Variants in ZNF821 observed in about 807,000 individuals in gnomAD.
The protein encoded by ZNF821 is zinc finger protein 821.
ZNF821 carries 16 observed loss-of-function variants against 44.3 expected under a neutral mutation model. The observed-to-expected ratio is 0.36, with a 90% CI of 0.24 to 0.55. The LOEUF (loss-of-function observed/expected upper bound fraction) is 0.55. Ranked by LOEUF, ZNF821 falls within the 20% of genes least tolerant of loss-of-function variation. ZNF821 has a pLI of 0.86. For missense variants in ZNF821, 436 were observed against 547.6 expected (o/e 0.80, Z 2.03); for synonymous variants, 204 against 197.6 (o/e 1.03, Z -0.27).
At chr16:71,880,955 G>A (rs2036358742) in intron 2 of ZNF821, among the ~76,000 whole-genome samples, 1 of 152,168 alleles carries the variant, frequency 6.6e-6, no homozygotes, top group African/African-American at 2.4e-5. Context: ...CAGAAAGAGT[G>A]CCCCAGCCTT....
chr16:71,866,171 C>T (rs1407611331), intron 4 of ZNF821, among the ~76,000 whole-genome samples: 1 of 152,204 alleles, frequency 6.6e-6, no homozygotes, highest in African/African-American at 2.4e-5. Flanking sequence ...TCTCACCAGG[C>T]TGTCCGCAGG....
At chr16:71,865,723 C>T (rs1256422480) in intron 4 of ZNF821, among the ~76,000 whole-genome samples, 2 of 152,182 alleles carry the variant, frequency 1.3e-5, no homozygotes, top group East Asian at 1.9e-4. Flanking sequence ...ACATGGCATT[C>T]TAAACTAAGT....
chr16:71,888,242 A>G (rs2036869238), upstream of ZNF821, among the ~76,000 whole-genome samples: 1 of 152,150 alleles, frequency 6.6e-6, no homozygotes, highest in Admixed American at 6.5e-5. Context: ...TTATTTGGTC[A>G]CGGCACATAG....
intron 5 of ZNF821, 48 bp from the exon 6 acceptor site, chr16:71,864,290 T>G (rs753048003): frequency 9.5e-5 from 143 of 1,509,402 alleles, no homozygotes; most frequent in Non-Finnish European, 1.1e-4. Context: ...TACTCATCTC[T>G]TCCCTGCCCC....
intron 2 of ZNF821, chr16:71,882,078 T>C (rs1246438827): frequency 6.6e-6 from 1 of 152,178 alleles, no homozygotes; most frequent in African/African-American, 2.4e-5. Flanking sequence ...GAGAACAGCC[T>C]GGCCAACATG....
In ZNF821 at chr16:71,860,088, C is replaced by T. The variant is rs2033656481; in HGVS notation, c.1169G>A (p.Gly390Glu). Reference sequence around the variant, plus strand: ...CAGAAGCTGGCTGTCCAACTCCACCCCACTTACAGGCAGCTGGAAGAAGTT... The same window carrying T: ...CAGAAGCTGGCTGTCCAACTCCACCTCACTTACAGGCAGCTGGAAGAAGTT... ...EMNFFQLPVSGVELDSQLLGK... is the reference protein window; with the variant it reads ...EMNFFQLPVSEVELDSQLLGK... Residue 390 changes from glycine to glutamate, a missense_variant, in exon 8 of 8, where the codon GGG (glycine) becomes GAG (glutamate). This residue lies in a region of ZNF821 where 55 missense variants were observed against 56.9 expected (regional missense o/e 0.97). Coordinates refer to ENST00000425432, the MANE Select transcript of ZNF821 (RefSeq NM_001201552.2). This position sits in a 1 kb window ranked among gnomAD's most constrained non-coding sequence, Gnocchi z 7.3. The T allele has an allele frequency of 3.7e-6, 6 of 1,614,064 alleles. No homozygotes were observed. Among genetic ancestry groups the T allele is most frequent in the Non-Finnish European group, 5.1e-6 (6 of 1,180,034 alleles).
chr16:71,894,573 T>A, intron 1 of ZNF821: 1 of 361,538 alleles, frequency 2.8e-6, no homozygotes, highest in Non-Finnish European at 5.1e-6. Context: ...TAGCCTAGGC[T>A]GGAGTGCTGT....
intron 4 of ZNF821, among the ~76,000 whole-genome samples, chr16:71,865,619 G>C (rs191653408): frequency 6.6e-6 from 1 of 152,240 alleles, no homozygotes; most frequent in Non-Finnish European, 1.5e-5. Context: ...ATAGGGAAAG[G>C]GCTGCTCATT....
rs566718140 is a variant in ZNF821 at position 71,881,112 on chromosome 16, T to G, written c.-77-1089A>C. Among the ~76,000 whole-genome samples the G allele has an allele frequency of 1.0e-3, 154 of 152,372 alleles. 1 individual carries two copies. Among genetic ancestry groups the G allele is most frequent in the Middle Eastern group, 3.4e-3 (1 of 294 alleles). On this transcript the variant is annotated intron_variant, in intron 2 of 7. Coordinates refer to ENST00000425432, the MANE Select transcript of ZNF821 (RefSeq NM_001201552.2). ...TCTGGTCACACTCTTAAGTTTTCTT[T>G]CAGTTCCTGCCTTCTTGAGTTATAC...
intron 3 of ZNF821, among the ~76,000 whole-genome samples, chr16:71,869,084 C>G (rs1039519499): frequency 6.6e-6 from 1 of 152,086 alleles, no homozygotes. Context: ...TACTAAGTGC[C>G]CTTTTATTTC....
intron 3 of ZNF821, among the ~76,000 whole-genome samples, chr16:71,869,218 G>T (rs919480678): frequency 2.0e-5 from 3 of 152,178 alleles, no homozygotes; most frequent in African/African-American, 7.2e-5. Flanking sequence ...AAGCCCTAGT[G>T]AAATGTCTGA....
intron 1 of ZNF821, among the ~76,000 whole-genome samples, chr16:71,893,094 A>T (rs1288609797): frequency 3.2e-5 from 4 of 124,578 alleles, no homozygotes; most frequent in Non-Finnish European, 3.2e-5. Context: ...CAGCGGCGCC[A>T]TCTCGGCTCA....
At chr16:71,889,196 C>T (rs2142500710), upstream of ZNF821, among the ~76,000 whole-genome samples, 1 of 152,182 alleles carries the variant, frequency 6.6e-6, no homozygotes, top group East Asian at 1.9e-4. Context: ...TGTGATAGTA[C>T]CCTTGCACTT....
At chr16:71,894,940 T>A in exon 1 of ZNF821, 1 of 1,010,204 alleles carries the variant, frequency 9.9e-7, no homozygotes. Context: ...GAAACACTAC[T>A]GAATTATACC....
chr16:71,861,831 G>A lies in ZNF821; in HGVS notation c.529C>T (p.Arg177Ter), dbSNP rs545275889. The A allele has an allele frequency of 1.9e-6, 3 of 1,614,168 alleles. No individual in the cohort carries two copies. Among genetic ancestry groups the A allele is most frequent in the South Asian group, 1.1e-5 (1 of 91,086 alleles). The change falls in exon 7 of 8, where the codon CGA becomes TGA. Residue 177 changes from arginine to a stop codon, truncating the protein, a stop_gained. Transcript: ENST00000425432. LOFTEE classifies it high-confidence loss of function. Reference sequence around the variant, plus strand: ...GCTCCACACACAGCACAGTTAGATCGCTGGTCCTCCGAGTGGATTAAGAGG... The same window carrying A: ...GCTCCACACACAGCACAGTTAGATCACTGGTCCTCCGAGTGGATTAAGAGG... ...RHLLIHSEDQ[R>*]SNCAVCGARF...
At position 71,863,038 on chromosome 16, in the gene ZNF821, C is replaced by T. The variant is rs923259012; in HGVS notation, c.418-1096G>A. On this transcript the variant is annotated intron_variant, in intron 6 of 7. Transcript: ENST00000425432. ...CTTCCCGAGTAGCTGGGATTATAGG[C>T]GTGCGCCACCACACCTGGATAATTT... Among the ~76,000 whole-genome samples the T allele has an allele frequency of 2.6e-5, 4 of 152,090 alleles. No individual in the cohort carries two copies. The East Asian group carries it at 7.7e-4, about 29-fold the overall frequency.
chr16:71,864,255 A>G lies in ZNF821; in HGVS notation c.313-13T>C, dbSNP rs1324076626. On this transcript the variant is annotated splice_polypyrimidine_tract_variant and intron_variant, in intron 5 of 7. Coordinates refer to ENST00000425432, the MANE Select transcript of ZNF821 (RefSeq NM_001201552.2). ...AATTCCCTGTGACCTGTGATTCAACAAATAGGCAACTCATTAGGACTCTTT... is the reference window on the plus strand; with the variant it reads ...AATTCCCTGTGACCTGTGATTCAACGAATAGGCAACTCATTAGGACTCTTT... 1 of 1,611,820 alleles carries G rather than the reference A, an allele frequency of 6.2e-7. No homozygotes were observed. The highest frequency in any genetic ancestry group is 1.7e-5 in the Admixed American group (1 of 60,022).
chr16:71,893,803 A>G (rs532265116), intron 1 of ZNF821: 3 of 144,130 alleles, frequency 2.1e-5, no homozygotes, highest in Non-Finnish European at 3.0e-5. Flanking sequence ...GTCTTGCTCT[A>G]TTGCCTAGGC....
chr16:71,893,622 G>A (rs1295442373), intron 1 of ZNF821, among the ~76,000 whole-genome samples: 1 of 150,748 alleles, frequency 6.6e-6, no homozygotes, highest in African/African-American at 2.4e-5. Context: ...CACCACATCC[G>A]GCTAATTTTT....
Sources: gnomAD v4.1 joint callset for allele counts (sites outside exome capture counted in the v4.1 genomes callset) on GRCh38, gnomAD v4.1.1 for gene constraint, gnomAD v4.1.1 regional missense constraint, Gnocchi (gnomAD v3.1) non-coding constraint, MANE v1.5 for transcripts, NCBI Gene and HGNC (gene_info 2026-07-23, HGNC 2026-07-21) for gene names.